EPHB2: variants seen among roughly 807,000 people sequenced by gnomAD.
EPHB2 encodes EPH receptor B2.
In EPHB2, 18 loss-of-function variants were observed where a neutral mutation model predicts 96.4. The observed-to-expected ratio is 0.19, with a 90% CI of 0.13 to 0.28. The LOEUF is 0.28. Among genes scored for constraint, EPHB2 ranks in the 10% least tolerant of loss-of-function variants. The pLI, the probability that EPHB2 is intolerant of heterozygous loss-of-function variation, is 1.00. For synonymous variants in EPHB2, 506 were observed against 534.1 expected (o/e 0.95, Z 0.72); for missense variants, 989 against 1,355.4 (o/e 0.73, Z 4.25).
intron 5 of EPHB2, among the ~76,000 whole-genome samples, chr1:22,865,531 C>T (rs976549193): frequency 2.6e-5 from 4 of 152,204 alleles, no homozygotes; most frequent in South Asian, 4.1e-4. Flanking sequence ...GAGCAGTCCA[C>T]GTCAGCGTGG....
At chr1:22,908,394 C>T (rs1434995272) in intron 12 of EPHB2, among the ~76,000 whole-genome samples, 5 of 152,248 alleles carry the variant, frequency 3.3e-5, no homozygotes, top group Non-Finnish European at 7.3e-5. Flanking sequence ...TAAGCCAGGA[C>T]AGCCAGCCTT....
chr1:22,896,552 C>A, intron 9 of EPHB2, 74 bp downstream of exon 9: 1 of 1,577,946 alleles, frequency 6.3e-7, no homozygotes, highest in South Asian at 1.1e-5. Flanking sequence ...CTTAAGCCAT[C>A]TTTGACCTCC....
intron 1 of EPHB2, among the ~76,000 whole-genome samples, chr1:22,760,428 G>A (rs1257766807): frequency 1.3e-5 from 2 of 152,226 alleles, no homozygotes; most frequent in African/African-American, 2.4e-5. Flanking sequence ...TGTCTGCAGA[G>A]GCAGTCTTGA....
chr1:22,895,546 A>G lies in EPHB2; in HGVS notation c.1666A>G (p.Ile556Val), dbSNP rs762890509. 6 of 1,614,072 alleles carry G rather than the reference A, an allele frequency of 3.7e-6. No individual in the cohort carries two copies. The African/African-American group carries it at 4.0e-5, about 11-fold the overall frequency. The change falls in exon 8 of 16, where the codon ATT becomes GTT. Residue 556 changes from isoleucine to valine, a missense_variant. By Grantham distance (29) the Ile-to-Val change is conservative. Coordinates refer to ENST00000374630, the MANE Select transcript of EPHB2 (RefSeq NM_017449.5). ...CTCGGCCGCTGGCCTGGTCTTCCTC[A>G]TTGCTGTGGTTGTCATCGCCATCGT... ...GSSAAGLVFL[I>V]AVVVIAIVCN...
At position 22,906,589 on chromosome 1, in the gene EPHB2, G is replaced by A. The variant is rs1371389920; in HGVS notation, c.1889-121G>A. On this transcript the variant is annotated intron_variant, in intron 10 of 15. Transcript: ENST00000374630. The surrounding 1 kb of genome is among the most constrained non-coding windows in gnomAD (Gnocchi z 4.8). ...GAAGGGGTTCTGTGTCTGCAAGGAT[G>A]AGTGGGCCATTGAGAAGAAAATGTA... is the stretch of plus-strand genomic sequence containing the variant. 3 of 1,466,900 alleles carry A rather than the reference G, an allele frequency of 2.0e-6. No homozygotes were observed. The highest frequency in any genetic ancestry group is 1.9e-6 in the Non-Finnish European group (2 of 1,078,044). The allele number at this position is 1,466,900 out of a possible 1,614,324, so 90.9% of individuals were successfully genotyped here.
At chr1:22,879,497 G>A (rs1327820461) in intron 5 of EPHB2, among the ~76,000 whole-genome samples, 1 of 152,212 alleles carries the variant, frequency 6.6e-6, no homozygotes, top group Non-Finnish European at 1.5e-5. Flanking sequence ...GTTCCACGGG[G>A]AGGGATGGCG....
At chr1:22,762,314 C>T (rs926850177) in intron 1 of EPHB2, among the ~76,000 whole-genome samples, 2 of 152,144 alleles carry the variant, frequency 1.3e-5, no homozygotes, top group African/African-American at 2.4e-5. Flanking sequence ...CTCCAGACAC[C>T]CTCCACTCCT....
rs748534693 is a variant in EPHB2, at chr1:22,913,472, C to T, written c.2863C>T (p.Arg955Trp). ...VSQMMMEDIL[R>W]VGVTLAGHQK... is the part of the protein sequence containing the mutation. Reference sequence around the variant, plus strand: ...GCTTCTCTCCCAAAGGGACATTCTCCGGGTTGGGGTCACTTTGGCTGGCCA... The same window carrying T: ...GCTTCTCTCCCAAAGGGACATTCTCTGGGTTGGGGTCACTTTGGCTGGCCA... Residue 955 changes from arginine (R) to tryptophan (W), a missense_variant, in exon 16 of 16, where the codon CGG becomes TGG. By Grantham distance (101) the Arg-to-Trp change is moderately radical. Coordinates refer to ENST00000374630, the MANE Select transcript of EPHB2 (RefSeq NM_017449.5). The surrounding 1 kb of genome is among the most constrained non-coding windows in gnomAD (Gnocchi z 4.1). The T allele has an allele frequency of 8.1e-6, 13 of 1,614,044 alleles. No individual in the cohort carries two copies. The highest frequency in any genetic ancestry group is 2.7e-5 in the African/African-American group (2 of 74,918).
At chr1:22,912,374 C>T in intron 14 of EPHB2, 70 bp from the exon 15 acceptor site, 1 of 1,603,488 alleles carries the variant, frequency 6.2e-7, no homozygotes. Context: ...ACGCAGCCTA[C>T]AGGCATGTCC....
rs1161396965 is a variant in EPHB2 at position 22,733,393 on chromosome 1, C to G, written c.61+22350C>G. Among the ~76,000 whole-genome samples, 1 of 152,082 alleles carries G rather than the reference C, an allele frequency of 6.6e-6. No individual in the cohort carries two copies. Among genetic ancestry groups the G allele is most frequent in the African/African-American group, 2.4e-5 (1 of 41,384 alleles). ...GCCTCTTTATTTTCAGATGGGGAAA[C>G]CAAGACCCAAAGAGGATAAGGACCT... On this transcript the variant is annotated intron_variant, in intron 1 of 15. Transcript: ENST00000374630. The surrounding 1 kb of genome is among the most constrained non-coding windows in gnomAD (Gnocchi z 4.6).
intron 1 of EPHB2, among the ~76,000 whole-genome samples, chr1:22,754,845 G>A (rs1355070178): frequency 1.2e-3 from 30 of 25,670 alleles, no homozygotes; most frequent in East Asian, 2.3e-3. Context: ...GGGAGGGGAG[G>A]TGAGGGACAG....
intron 1 of EPHB2, among the ~76,000 whole-genome samples, chr1:22,756,139 C>T (rs920457062): frequency 3.9e-5 from 6 of 152,050 alleles, no homozygotes; most frequent in Non-Finnish European, 8.8e-5. Flanking sequence ...GTCCATCAGG[C>T]TGGAAGGGGC....
At chr1:22,904,481 C>G (rs1345001293) in intron 9 of EPHB2, among the ~76,000 whole-genome samples, 1 of 152,148 alleles carries the variant, frequency 6.6e-6, no homozygotes, top group Non-Finnish European at 1.5e-5. Context: ...TACCAGATCT[C>G]CTACTGCTCA....
chr1:22,840,016 G>T (rs939476733), intron 3 of EPHB2, among the ~76,000 whole-genome samples: 1 of 152,192 alleles, frequency 6.6e-6, no homozygotes, highest in Non-Finnish European at 1.5e-5. Flanking sequence ...CGTAGCCCTG[G>T]CGCAGTGCCT....
rs559096668 is a variant in EPHB2 at position 22,858,083 on chromosome 1, G to A, written c.812-4954G>A. Among the ~76,000 whole-genome samples the A allele has an allele frequency of 3.2e-4, 48 of 152,288 alleles. No individual in the cohort carries two copies. The South Asian group carries it at 7.1e-3, about 22-fold the overall frequency. ...CAGGGTGGGCCTCTCGGAGGAGGTG[G>A]CATTTAAGCTGGGGTCTGAAGGAGG... is the stretch of plus-strand genomic sequence containing the variant. On this transcript the variant is annotated intron_variant, in intron 3 of 15. Coordinates refer to ENST00000374630, the MANE Select transcript of EPHB2 (RefSeq NM_017449.5). The surrounding 1 kb of genome is among the most constrained non-coding windows in gnomAD (Gnocchi z 7.7).
chr1:22,724,620 C>G (rs1355322766), intron 1 of EPHB2, among the ~76,000 whole-genome samples: 2 of 152,204 alleles, frequency 1.3e-5, no homozygotes, highest in Non-Finnish European at 2.9e-5. Flanking sequence ...TGCTTGGCAG[C>G]AAAGCCTGTT....
intron 1 of EPHB2, among the ~76,000 whole-genome samples, chr1:22,763,851 C>T (rs1021483988): frequency 6.6e-6 from 1 of 152,116 alleles, no homozygotes; most frequent in African/African-American, 2.4e-5. Context: ...ATGTCCTTGC[C>T]CTTTCTAGAG....
chr1:22,832,006 A>G (rs56040422), intron 3 of EPHB2, among the ~76,000 whole-genome samples: 33,043 of 152,186 alleles, frequency 0.22, 3,729 homozygotes, highest in East Asian at 0.43. Context: ...GGGCTTCCCC[A>G]GGCCCCAAAT....
chr1:22,824,007 A>G (rs1447711187), intron 3 of EPHB2, among the ~76,000 whole-genome samples: 1 of 152,230 alleles, frequency 6.6e-6, no homozygotes, highest in Non-Finnish European at 1.5e-5. Flanking sequence ...AACAGTGCCT[A>G]GGAAGATAGG....
Sources: gnomAD v4.1 joint callset for allele counts (sites outside exome capture counted in the v4.1 genomes callset) on GRCh38, gnomAD v4.1.1 for gene constraint, Gnocchi (gnomAD v3.1) non-coding constraint, MANE v1.5 for transcripts, NCBI Gene and HGNC (gene_info 2026-07-23, HGNC 2026-07-21) for gene names.